Variants in KLHL35 observed in about 807,000 individuals in gnomAD.
The protein encoded by KLHL35 is kelch-like protein 35.
Under a neutral mutation model 44.0 loss-of-function variants are expected in KLHL35, and 50 were observed. The ratio of observed to expected loss-of-function variants is 1.14; its 90% CI spans 0.91 to 1.44. The LOEUF (loss-of-function observed/expected upper bound fraction) is 1.44, where lower values mean the gene tolerates loss of function less well. Among genes scored for constraint, KLHL35 ranks in the 40% most tolerant of loss-of-function variants. The pLI is 0.00. For synonymous variants in KLHL35, 470 were observed against 410.4 expected (o/e 1.15, Z -1.76); for missense variants, 1,049 against 887.8 (o/e 1.18, Z -2.31).
In KLHL35 at chr11:75,426,608, A is replaced by G. The variant is rs1276485404; in HGVS notation, c.1097T>C (p.Met366Thr). 6.2e-7 allele frequency: 1 copy of G among 1,604,790 alleles called. No homozygotes were observed. Among genetic ancestry groups the G allele is most frequent in the Middle Eastern group, 1.7e-4 (1 of 6,058 alleles). ...GGHINSHDVWMFSSHLHTWIK... is the reference protein window; with the variant it reads ...GGHINSHDVWTFSSHLHTWIK... The stretch of plus-strand genomic sequence containing the variant: ...CCAGGTGTGCAGATGGGAGCTAAAC[A>G]TCCACACATCATGACTGTTGATGTG... Residue 366 changes from methionine to threonine, a missense_variant, in exon 4 of 7, where the codon ATG (methionine) becomes ACG (threonine). Met to Thr is a moderately conservative substitution (Grantham distance 81). Coordinates refer to ENST00000539798, the MANE Select transcript of KLHL35 (RefSeq NM_001039548.3).
chr11:75,431,015 C>T (rs998894982), intron 1 of KLHL35, among the ~76,000 whole-genome samples: 1 of 152,168 alleles, frequency 6.6e-6, no homozygotes, highest in Non-Finnish European at 1.5e-5. Context: ...ATACTAACAG[C>T]AGGGCGCCTT....
chr11:75,429,535 C>T (rs1237453102), intron 2 of KLHL35, among the ~76,000 whole-genome samples: 4 of 152,214 alleles, frequency 2.6e-5, no homozygotes, highest in Non-Finnish European at 4.4e-5. Flanking sequence ...TTGCATGGGC[C>T]AAAGAGAGTG....
chr11:75,430,514 G>A lies in KLHL35; in HGVS notation c.116C>T (p.Thr39Ile), dbSNP rs1202556411. 7.6e-6 allele frequency: 11 copies of A among 1,447,226 alleles called. No homozygotes were observed. The East Asian group carries it at 2.4e-4, about 32-fold the overall frequency. 89.6% of individuals were successfully genotyped at this position (1,447,226 alleles called of 1,614,324 possible). Residue 39 changes from threonine to isoleucine, a missense_variant, in exon 2 of 7, where the codon ACC becomes ATC. By Grantham distance (89) the Thr-to-Ile change is moderately conservative (BLOSUM62 -1). Coordinates refer to ENST00000539798, the MANE Select transcript of KLHL35 (RefSeq NM_001039548.3). ...GGCGCGCAGCACCACGTCGGTGAGG[G>A]TGCCGCTCCGCCGGTAGGCGTTCAG... ...QALNAYRRSG[T>I]LTDVVLRAGG...
In KLHL35 at chr11:75,429,951, C is replaced by A. The variant is rs764756335; in HGVS notation, c.679G>T (p.Asp227Tyr). The stretch of plus-strand genomic sequence containing the variant: ...AGCTGGCCGCGGCGGGCCGGCGCGT[C>A]GTGGCGCACCCAGCGCATGGCCGCT... ...FEAAMRWVRH[D>Y]APARRGQLRR... Residue 227 changes from aspartate (D) to tyrosine (Y), a missense_variant, in exon 2 of 7, where the codon GAC becomes TAC. By Grantham distance (160) the Asp-to-Tyr change is radical. Coordinates refer to ENST00000539798, the MANE Select transcript of KLHL35 (RefSeq NM_001039548.3). The A allele has an allele frequency of 1.4e-6, 2 of 1,451,138 alleles. No individual in the cohort carries two copies. Among genetic ancestry groups the A allele is most frequent in the South Asian group, 1.4e-5 (1 of 73,784 alleles). The allele number at this position is 1,451,138 out of a possible 1,614,324, so 89.9% of individuals were successfully genotyped here. A position where few individuals can be genotyped will look rare whatever the true frequency, so the allele number is the denominator to read the frequency against.
chr11:75,431,944 A>G (rs1019009843), intron 1 of KLHL35, among the ~76,000 whole-genome samples: 2 of 152,090 alleles, frequency 1.3e-5, no homozygotes, highest in African/African-American at 4.8e-5. Context: ...TTTAGCCCAC[A>G]CCTGCCCCTT....
chr11:75,430,058 A>G lies in KLHL35; in HGVS notation c.572T>C (p.Phe191Ser). 7.1e-7 allele frequency: 1 copy of G among 1,399,906 alleles called. No individual in the cohort carries two copies. Among genetic ancestry groups the G allele is most frequent in the South Asian group, 1.5e-5 (1 of 67,682 alleles). 86.7% of individuals were successfully genotyped at this position (1,399,906 alleles called of 1,614,324 possible). A position where few individuals can be genotyped will look rare whatever the true frequency, so the allele number is the denominator to read the frequency against. Residue 191 changes from phenylalanine to serine, a missense_variant, in exon 2 of 7, where the codon TTC (phenylalanine) becomes TCC (serine). Phe to Ser is a radical substitution (Grantham distance 155). Transcript: ENST00000539798. The stretch of plus-strand genomic sequence containing the variant: ...CACCTCGTCAGGCGCCAGCTCCAGG[A>G]AGTCGGCGTGGCGCGCCACCTCGGC... ...AFAEVARHADFLELAPDEVVA... is the reference protein window; with the variant it reads ...AFAEVARHADSLELAPDEVVA...
intron 3 of KLHL35, among the ~76,000 whole-genome samples, chr11:75,427,431 T>G (rs1008086322): frequency 1.3e-5 from 2 of 152,224 alleles, no homozygotes; most frequent in African/African-American, 4.8e-5. Flanking sequence ...AGCCTGAGCC[T>G]GTGACCAGAG....
At chr11:75,429,681 A>T in intron 2 of KLHL35, 68 bp downstream of exon 2, 1 of 1,384,414 alleles carries the variant, frequency 7.2e-7, no homozygotes, top group Non-Finnish European at 9.3e-7. Context: ...AGATGATGAA[A>T]GAATGAATGA....
rs1354229150 is a variant in KLHL35, at chr11:75,423,802, C to T, written c.1453G>A (p.Val485Ile). Residue 485 changes from valine to isoleucine, a missense_variant, in exon 6 of 7, where the codon GTC becomes ATC. Coordinates refer to ENST00000539798, the MANE Select transcript of KLHL35 (RefSeq NM_001039548.3). ...APFSQRCLEA[V>I]SLEDTIYVMG... Reference sequence around the variant, plus strand: ...ACATAGATGGTGTCCTCAAGGGAGACAGCCTCGAGACACCGCTGTGAGAAG... The same window carrying T: ...ACATAGATGGTGTCCTCAAGGGAGATAGCCTCGAGACACCGCTGTGAGAAG... The T allele has an allele frequency of 1.9e-6, 3 of 1,613,616 alleles. No homozygotes were observed. The highest frequency in any genetic ancestry group is 2.2e-5 in the South Asian group (2 of 91,086).
intron 3 of KLHL35, among the ~76,000 whole-genome samples, chr11:75,427,886 A>G (rs904981244): frequency 6.6e-6 from 1 of 152,186 alleles, no homozygotes; most frequent in African/African-American, 2.4e-5. Flanking sequence ...GAGAATTCTG[A>G]TCACATTCTG....
intron 6 of KLHL35, chr11:75,423,255 A>T (rs1379183539): frequency 5.2e-6 from 1 of 192,840 alleles, no homozygotes; most frequent in South Asian, 1.2e-4. Context: ...GATGGAGAAG[A>T]AGGTAGGGGA....
intron 1 of KLHL35, among the ~76,000 whole-genome samples, chr11:75,431,755 C>T (rs1948538823): frequency 6.6e-6 from 1 of 152,202 alleles, no homozygotes; most frequent in Admixed American, 6.5e-5. Context: ...TCATCCCTAC[C>T]TCACAGGGCT....
Position 75,429,743 on chromosome 11 carries a change from C to A in KLHL35, c.881+6G>T. The stretch of plus-strand genomic sequence containing the variant: ...AGGGCGGGAAGCTAGGGGATGGCGG[C>A]CCTACCTCCGCGGCCGGGTCCGCAG... On this transcript the variant is annotated splice_donor_region_variant and intron_variant, in intron 2 of 6. Coordinates refer to ENST00000539798, the MANE Select transcript of KLHL35 (RefSeq NM_001039548.3). 6.9e-7 allele frequency: 1 copy of A among 1,452,606 alleles called. No homozygotes were observed. Among genetic ancestry groups the A allele is most frequent in the Admixed American group, 2.8e-5 (1 of 36,284 alleles). 90.0% of individuals were successfully genotyped at this position (1,452,606 alleles called of 1,614,324 possible). A position where few individuals can be genotyped will look rare whatever the true frequency, so the allele number is the denominator to read the frequency against.
Position 75,429,769 on chromosome 11 carries a change from C to A in KLHL35, c.861G>T (p.Ala287=). 6.7e-7 allele frequency: 1 copy of A among 1,493,232 alleles called. No homozygotes were observed. Among genetic ancestry groups the A allele is most frequent in the Middle Eastern group, 2.3e-4 (1 of 4,350 alleles). The allele number at this position is 1,493,232 out of a possible 1,614,324, so 92.5% of individuals were successfully genotyped here. A position where few individuals can be genotyped will look rare whatever the true frequency, so the allele number is the denominator to read the frequency against. Residue 287 remains alanine, a synonymous_variant, in exon 2 of 7, where the codon GCG becomes GCT. Transcript: ENST00000539798. ...ACFILGREAG[A]LRTRPRRFMD... Reference sequence around the variant, plus strand: ...CCTACCTCCGCGGCCGGGTCCGCAGCGCACCGGCCTCGCGGCCCAGGATGA... The same window carrying A: ...CCTACCTCCGCGGCCGGGTCCGCAGAGCACCGGCCTCGCGGCCCAGGATGA...
At chr11:75,426,467 A>G in intron 4 of KLHL35, 53 bp downstream of exon 4, 4 of 1,276,522 alleles carry the variant, frequency 3.1e-6, no homozygotes, top group East Asian at 2.5e-5. Flanking sequence ...CCTCCAGCAC[A>G]TCCACAGATC....
chr11:75,430,748 C>A (rs1948531803), intron 1 of KLHL35, 118 bp from the exon 2 acceptor site: 1 of 897,850 alleles, frequency 1.1e-6, no homozygotes, highest in Non-Finnish European at 1.5e-6. Context: ...CTCTCCCCTC[C>A]GTTCAGCATC....
chr11:75,423,705 A>T lies in KLHL35; in HGVS notation c.1550T>A (p.Leu517His), dbSNP rs538366163. 1 of 1,613,648 alleles carries T rather than the reference A, an allele frequency of 6.2e-7. No individual in the cohort carries two copies. Among genetic ancestry groups the T allele is most frequent in the African/African-American group, 1.3e-5 (1 of 75,030 alleles). ...GCCTCCACTTACCACAGGGCTGGGG[A>T]GGACAGCTGCCTCCCCCCACACATC... ...GTDVWGEAAV[L>H]PSPVESCGVT... Residue 517 changes from leucine (L) to histidine (H), a missense_variant, in exon 6 of 7, where the codon CTC becomes CAC. Leu to His is a moderately conservative substitution (Grantham distance 99). Transcript: ENST00000539798.
chr11:75,428,722 A>T, intron 2 of KLHL35, 96 bp from the exon 3 acceptor site: 1 of 1,130,060 alleles, frequency 8.8e-7, no homozygotes, highest in Non-Finnish European at 1.2e-6. Flanking sequence ...CTGCCCTTTC[A>T]TGCGTTTCTG....
In KLHL35 at chr11:75,426,618, C is replaced by T. The variant is rs1194322574; in HGVS notation, c.1087G>A (p.Asp363Asn). 1 of 1,601,708 alleles carries T rather than the reference C, an allele frequency of 6.2e-7. No homozygotes were observed. The highest frequency in any genetic ancestry group is 8.5e-7 in the Non-Finnish European group (1 of 1,175,242). ...YVSGGHINSHDVWMFSSHLHT... is the reference protein window; with the variant it reads ...YVSGGHINSHNVWMFSSHLHT... Reference sequence around the variant, plus strand: ...AGATGGGAGCTAAACATCCACACATCATGACTGTTGATGTGGCCTCCTAGG... The same window carrying T: ...AGATGGGAGCTAAACATCCACACATTATGACTGTTGATGTGGCCTCCTAGG... Residue 363 changes from aspartate (D) to asparagine (N), a missense_variant, in exon 4 of 7, where the codon GAT (aspartate) becomes AAT (asparagine). Physicochemically the swap from Asp to Asn is conservative, Grantham distance 23. Coordinates refer to ENST00000539798, the MANE Select transcript of KLHL35 (RefSeq NM_001039548.3).
Sources: gnomAD v4.1 joint callset for allele counts (sites outside exome capture counted in the v4.1 genomes callset) on GRCh38, gnomAD v4.1.1 for gene constraint, MANE v1.5 for transcripts, NCBI Gene and HGNC (gene_info 2026-07-23, HGNC 2026-07-21) for gene names.